Variants in CFAP57 observed in about 807,000 individuals in gnomAD.
CFAP57 encodes cilia- and flagella-associated protein 57.
In CFAP57, 116 loss-of-function variants were observed where a neutral mutation model predicts 146.8. The ratio of observed to expected loss-of-function variants is 0.79; its 90% CI spans 0.68 to 0.92. CFAP57 has a LOEUF of 0.92. Ranked by LOEUF, CFAP57 falls within the 40% of genes least tolerant of loss-of-function variation. The pLI, the probability that CFAP57 is intolerant of heterozygous loss-of-function variation, is 0.00. For missense variants in CFAP57, 1,377 were observed against 1,527.2 expected (o/e 0.90, Z 1.64); for synonymous variants, 518 against 552.8 (o/e 0.94, Z 0.88).
At chr1:43,176,743 C>T (rs2643013) in intron 2 of CFAP57, among the ~76,000 whole-genome samples, 79,505 of 151,862 alleles carry the variant, frequency 0.52, 22,893 homozygotes, top group African/African-American at 0.78. Context: ...ACAAACAAAG[C>T]ATGGAAAGTG....
chr1:43,199,301 A>C (rs1322951337), intron 8 of CFAP57, 89 bp from the exon 9 acceptor site: 1 of 1,250,162 alleles, frequency 8.0e-7, no homozygotes, highest in East Asian at 2.3e-5. Flanking sequence ...TTCAGTCTGA[A>C]CTCGTTGGGA....
chr1:43,245,458 A>G (rs1343015559), intron 22 of CFAP57, among the ~76,000 whole-genome samples: 1 of 152,188 alleles, frequency 6.6e-6, no homozygotes, highest in Non-Finnish European at 1.5e-5. Context: ...CATATACAAA[A>G]ATTGAGAGAG....
chr1:43,249,737 G>T (rs755021811), intron 22 of CFAP57, among the ~76,000 whole-genome samples: 2 of 151,126 alleles, frequency 1.3e-5, no homozygotes, highest in Non-Finnish European at 2.9e-5. Context: ...GAGCCACTGC[G>T]CCTGGCCCAA....
chr1:43,172,379 C>G lies in CFAP57; in HGVS notation c.-94C>G, dbSNP rs1427283738. ...GAACCGCTACGGCGTTTGAAAGTGT[C>G]CGGGTTGCTTAGGATCCCTACAGGT... On this transcript the variant is annotated 5_prime_UTR_variant, in exon 1 of 23. Transcript: ENST00000372492. 7 of 1,551,422 alleles carry G rather than the reference C, an allele frequency of 4.5e-6. No individual in the cohort carries two copies. The highest frequency in any genetic ancestry group is 2.4e-5 in the East Asian group (1 of 40,906).
intron 19 of CFAP57, 106 bp downstream of exon 19, chr1:43,232,730 G>A: frequency 1.4e-6 from 1 of 728,112 alleles, no homozygotes; most frequent in Non-Finnish European, 2.2e-6. Context: ...GCGAGGATAT[G>A]TTTCCCATTT....
intron 9 of CFAP57, among the ~76,000 whole-genome samples, chr1:43,205,691 C>T (rs758914844): frequency 1.3e-5 from 2 of 152,100 alleles, no homozygotes; most frequent in Admixed American, 6.6e-5. Context: ...TTGGCCACAC[C>T]TGCTTGGAAT....
At chr1:43,212,522 G>A (rs373346443) in intron 11 of CFAP57, among the ~76,000 whole-genome samples, 28 of 152,260 alleles carry the variant, frequency 1.8e-4, no homozygotes, top group East Asian at 1.5e-3. Flanking sequence ...TCCATCTCGC[G>A]TATTTATGAT....
rs1294515280 is a variant in CFAP57 at position 43,222,249 on chromosome 1, A to T, written c.2486A>T (p.Glu829Val). ...AGCCAGGCCCTGGAGGAGCTGACTG[A>T]GTTTTACGAGGCAAAACTGCAGGAG... ...TKSQALEELT[E>V]FYEAKLQEKT... The change falls in exon 15 of 23, where the codon GAG (glutamate) becomes GTG (valine). Residue 829 changes from glutamate (E) to valine (V), a missense_variant. Physicochemically the swap from Glu to Val is moderately radical, Grantham distance 121. Transcript: ENST00000372492. 1.9e-5 allele frequency: 28 copies of T among 1,484,640 alleles called. No individual in the cohort carries two copies. The Admixed American group carries it at 6.8e-4, about 36-fold the overall frequency. The allele number at this position is 1,484,640 out of a possible 1,614,324, so 92.0% of individuals were successfully genotyped here.
intron 11 of CFAP57, among the ~76,000 whole-genome samples, chr1:43,212,390 T>C (rs1483844146): frequency 6.6e-6 from 1 of 152,232 alleles, no homozygotes; most frequent in Non-Finnish European, 1.5e-5. Flanking sequence ...ATACTGTATG[T>C]GGCCTTCTGA....
At chr1:43,219,240 G>A in intron 12 of CFAP57, 142 bp from the exon 13 acceptor site, 1 of 892,452 alleles carries the variant, frequency 1.1e-6, no homozygotes, top group Non-Finnish European at 1.6e-6. Context: ...TGCCTTCTGG[G>A]GAAAAGATGA....
chr1:43,210,311 C>G (rs1367425087), intron 11 of CFAP57: 1 of 1,417,696 alleles, frequency 7.1e-7, no homozygotes, highest in Non-Finnish European at 9.2e-7. Flanking sequence ...CCTGAGGGTA[C>G]AAAAGGCCAC....
rs570808727 is a variant in CFAP57 at position 43,185,369 on chromosome 1, G to GA, written c.969+21dup. 15 of 1,611,952 alleles carry GA rather than the reference G, an allele frequency of 9.3e-6. No individual in the cohort carries two copies. The highest frequency in any genetic ancestry group is 3.3e-5 in the South Asian group (3 of 90,924). On this transcript the variant is annotated intron_variant, in intron 5 of 22. Transcript: ENST00000372492. The stretch of plus-strand genomic sequence containing the variant: ...CAGAGAAATCAGGGTAAGGCGGGAA[G>GA]AAAAAAAAGAAGTAAAATGGGGGTC...
chr1:43,204,041 TTCTC>T (rs1240749933), intron 9 of CFAP57, among the ~76,000 whole-genome samples: 1 of 152,222 alleles, frequency 6.6e-6, no homozygotes, highest in Non-Finnish European at 1.5e-5. Context: ...TGATTAGTGT[TTCTC>T]TCTGTTCTTC....
intron 10 of CFAP57, among the ~76,000 whole-genome samples, chr1:43,207,477 A>G (rs1644406199): frequency 1.3e-5 from 2 of 152,236 alleles, no homozygotes; most frequent in Non-Finnish European, 2.9e-5. Context: ...GCCTCGGAGC[A>G]GTAGGCTCTA....
At chr1:43,215,846 C>T (rs1449645019) in intron 12 of CFAP57, among the ~76,000 whole-genome samples, 3 of 152,122 alleles carry the variant, frequency 2.0e-5, no homozygotes, top group African/African-American at 7.2e-5. Context: ...GTCATTCTCC[C>T]CATGTTTCAA....
At chr1:43,227,752 C>T (rs892201586) in intron 18 of CFAP57, among the ~76,000 whole-genome samples, 13 of 152,220 alleles carry the variant, frequency 8.5e-5, no homozygotes, top group African/African-American at 3.1e-4. Flanking sequence ...TGTGTTGCCC[C>T]ATCAGCCTCC....
chr1:43,241,436 C>T (rs762803315), intron 21 of CFAP57, among the ~76,000 whole-genome samples: 8 of 151,750 alleles, frequency 5.3e-5, no homozygotes, highest in Non-Finnish European at 7.4e-5. Context: ...GTCTCTAGCC[C>T]GACCCCTGCT....
Position 43,181,837 on chromosome 1 carries a change from A to G in CFAP57, c.461A>G (p.Asn154Ser). 1 of 1,614,188 alleles carries G rather than the reference A, an allele frequency of 6.2e-7. No homozygotes were observed. Among genetic ancestry groups the G allele is most frequent in the Non-Finnish European group, 8.5e-7 (1 of 1,180,034 alleles). Residue 154 changes from asparagine to serine, a missense_variant, in exon 3 of 23, where the codon AAC (asparagine) becomes AGC (serine). Physicochemically the swap from Asn to Ser is conservative, Grantham distance 46. Coordinates refer to ENST00000372492, the MANE Select transcript of CFAP57 (RefSeq NM_001378189.1). ...MAIVRIDTQN[N>S]PVYQVSFSPQ... is the part of the protein sequence containing the mutation. ...ATTGTTAGAATCGACACTCAGAACAACCCTGTCTACCAGGTACCTAGTAGT... is the reference window on the plus strand; with the variant it reads ...ATTGTTAGAATCGACACTCAGAACAGCCCTGTCTACCAGGTACCTAGTAGT...
intron 6 of CFAP57, among the ~76,000 whole-genome samples, chr1:43,195,532 G>GAA (rs1161812804): frequency 7.6e-6 from 1 of 131,808 alleles, no homozygotes; most frequent in Non-Finnish European, 1.7e-5. Flanking sequence ...AAGAAAAAAA[G>GAA]AAAAAAAAAA....
Sources: gnomAD v4.1 joint callset for allele counts (sites outside exome capture counted in the v4.1 genomes callset) on GRCh38, gnomAD v4.1.1 for gene constraint, MANE v1.5 for transcripts, NCBI Gene and HGNC (gene_info 2026-07-23, HGNC 2026-07-21) for gene names.